The following MBD5 variants were observed in gnomAD, a reference collection of about 807,000 sequenced individuals.
MBD5 encodes the protein methyl-CpG binding domain protein 5.
Under a neutral mutation model 117.3 loss-of-function variants are expected in MBD5, and 13 were observed. That is an observed-to-expected ratio of 0.11 (90% CI 0.07 to 0.18). The LOEUF is 0.18. MBD5 is among the 10% of genes least tolerant of loss of function. The pLI is 1.00. For missense variants in MBD5, 1,879 were observed against 2,093.8 expected (o/e 0.90, Z 2.00); for synonymous variants, 727 against 766.4 (o/e 0.95, Z 0.85).
chr2:148,304,837 C>T (rs1223968057), intron 3 of MBD5, among the ~76,000 whole-genome samples: 1 of 151,950 alleles, frequency 6.6e-6, no homozygotes, highest in Non-Finnish European at 1.5e-5. Context: ...CCGAGGCGGG[C>T]GGATCACTAG....
intron 4 of MBD5, among the ~76,000 whole-genome samples, chr2:148,366,967 GA>G (rs1453010439): frequency 6.6e-6 from 1 of 152,044 alleles, no homozygotes; most frequent in African/African-American, 2.4e-5. Flanking sequence ...CACAGAATTA[GA>G]AAAAACTACT....
chr2:148,381,712 G>T (rs1473686970), intron 4 of MBD5, among the ~76,000 whole-genome samples: 1 of 152,160 alleles, frequency 6.6e-6, no homozygotes, highest in Admixed American at 6.5e-5. Flanking sequence ...CAGAGAGAAA[G>T]GTCGGGTTAC....
chr2:148,443,965 T>C (rs1470921643), intron 4 of MBD5, among the ~76,000 whole-genome samples: 17 of 151,404 alleles, frequency 1.1e-4, no homozygotes, highest in Admixed American at 1.1e-3. Flanking sequence ...CTAATGTGAT[T>C]ATTATGCATT....
intron 3 of MBD5, among the ~76,000 whole-genome samples, chr2:148,258,987 G>A (rs1000949587): frequency 6.6e-6 from 1 of 152,142 alleles, no homozygotes; most frequent in African/African-American, 2.4e-5. Context: ...AAGGCACTCA[G>A]GGGTGCAGAA....
chr2:148,472,403 G>A (rs1232414077), intron 8 of MBD5: 2 of 152,040 alleles, frequency 1.3e-5, no homozygotes, highest in Non-Finnish European at 2.9e-5. Context: ...AAAAATCTAA[G>A]TAGAATTTTT....
intron 1 of MBD5, among the ~76,000 whole-genome samples, chr2:148,052,266 A>G (rs1195246608): frequency 1.5e-5 from 2 of 132,178 alleles, no homozygotes; most frequent in Non-Finnish European, 3.1e-5. Context: ...GCTGGAGTGC[A>G]ATGGTGCAAT....
chr2:148,048,897 C>G (rs115839213), intron 1 of MBD5, among the ~76,000 whole-genome samples: 1 of 151,982 alleles, frequency 6.6e-6, no homozygotes, highest in Admixed American at 6.6e-5. Flanking sequence ...CCTGTCTCAT[C>G]CTGGGATGTT....
At chr2:148,332,210 A>C (rs1169303386) in intron 3 of MBD5, among the ~76,000 whole-genome samples, 1 of 152,140 alleles carries the variant, frequency 6.6e-6, no homozygotes, top group Non-Finnish European at 1.5e-5. Context: ...CCACAAGCAC[A>C]CCATCATTTC....
intron 4 of MBD5, among the ~76,000 whole-genome samples, chr2:148,423,820 G>T (rs1019255723): frequency 6.6e-6 from 1 of 152,026 alleles, no homozygotes; most frequent in Non-Finnish European, 1.5e-5. Flanking sequence ...CATGTTCAAG[G>T]ACACACATAG....
At chr2:148,237,256 G>C (rs1395945669) in intron 3 of MBD5, among the ~76,000 whole-genome samples, 2 of 152,112 alleles carry the variant, frequency 1.3e-5, no homozygotes. Context: ...CTTTTCCTTT[G>C]CATTCACAAT....
intron 3 of MBD5, among the ~76,000 whole-genome samples, chr2:148,323,423 T>A (rs4381728): frequency 1.7e-4 from 26 of 150,244 alleles, no homozygotes; most frequent in Non-Finnish European, 3.6e-4. Context: ...ATCGCCACAC[T>A]GACTTCCACA....
intron 3 of MBD5, among the ~76,000 whole-genome samples, chr2:148,271,583 AT>A (rs1480859608): frequency 6.6e-6 from 1 of 152,194 alleles, no homozygotes; most frequent in African/African-American, 2.4e-5. Flanking sequence ...TCAGTTTAAA[AT>A]AATTTGTTTT....
chr2:148,306,296 C>G (rs553949043), intron 3 of MBD5, among the ~76,000 whole-genome samples: 1 of 152,246 alleles, frequency 6.6e-6, no homozygotes, highest in Non-Finnish European at 1.5e-5. Context: ...CTTAAGAGGG[C>G]TTTGTAAGCA....
chr2:148,429,612 A>G (rs1178676209), intron 4 of MBD5, among the ~76,000 whole-genome samples: 1 of 152,188 alleles, frequency 6.6e-6, no homozygotes, highest in Non-Finnish European at 1.5e-5. Context: ...CTCATCAATG[A>G]TAGACTGAAT....
chr2:148,320,734 G>T (rs1478364084), intron 3 of MBD5, among the ~76,000 whole-genome samples: 1 of 152,082 alleles, frequency 6.6e-6, no homozygotes, highest in Non-Finnish European at 1.5e-5. Context: ...TTTCTTCCTG[G>T]TTCAACCTCA....
intron 3 of MBD5, among the ~76,000 whole-genome samples, chr2:148,320,188 T>C (rs1426160186): frequency 6.6e-6 from 1 of 152,170 alleles, no homozygotes; most frequent in Non-Finnish European, 1.5e-5. Flanking sequence ...TCATCAGGAA[T>C]ATTGGTCTGT....
intron 3 of MBD5, among the ~76,000 whole-genome samples, chr2:148,308,286 A>G (rs1325470913): frequency 6.6e-6 from 1 of 152,108 alleles, no homozygotes; most frequent in Admixed American, 6.6e-5. Flanking sequence ...ATTTCTCCAC[A>G]TCCTCTGCAG....
At chr2:148,493,180 T>G (rs927034931) in intron 11 of MBD5, among the ~76,000 whole-genome samples, 3 of 152,196 alleles carry the variant, frequency 2.0e-5, no homozygotes, top group Non-Finnish European at 4.4e-5. Context: ...TGTGGGATCA[T>G]TTTCCATAGT....
intron 1 of MBD5, among the ~76,000 whole-genome samples, chr2:148,067,173 G>A (rs546016816): frequency 1.3e-5 from 2 of 152,276 alleles, no homozygotes; most frequent in Admixed American, 6.5e-5. Flanking sequence ...CAAAAGTACA[G>A]TCTCTGAATG....
Sources: allele counts gnomAD v4.1 joint callset (sites outside exome capture counted in the v4.1 genomes callset), GRCh38; gene constraint gnomAD v4.1.1; transcripts MANE v1.5; gene names NCBI Gene and HGNC (gene_info 2026-07-23, HGNC 2026-07-21).